The following ATL1 variants were observed in gnomAD, a reference collection of about 807,000 sequenced individuals.
ATL1 encodes the protein atlastin-1.
In ATL1, 31 loss-of-function variants were observed where a neutral mutation model predicts 75.5. That is an observed-to-expected ratio of 0.41 (90% CI 0.31 to 0.55). ATL1 has a LOEUF of 0.55. ATL1 is among the 20% of genes least tolerant of loss of function. The pLI is 0.27. For missense variants in ATL1, 405 were observed against 662.6 expected (o/e 0.61, Z 4.27); for synonymous variants, 226 against 233.3 (o/e 0.97, Z 0.28).
At chr14:50,549,258 G>T (rs2038672472) in intron 1 of ATL1, among the ~76,000 whole-genome samples, 1 of 152,150 alleles carries the variant, frequency 6.6e-6, no homozygotes, top group South Asian at 2.1e-4. Flanking sequence ...GGTACAAATG[G>T]ATACTGACAC....
chr14:50,582,615 G>A (rs905271526), intron 1 of ATL1, among the ~76,000 whole-genome samples: 4 of 150,550 alleles, frequency 2.7e-5, no homozygotes, highest in African/African-American at 4.9e-5. Flanking sequence ...TAGTAGAGAC[G>A]GGGTTTCACC....
intron 1 of ATL1, among the ~76,000 whole-genome samples, chr14:50,538,063 A>G (rs1284306151): frequency 6.6e-6 from 1 of 152,182 alleles, no homozygotes; most frequent in Non-Finnish European, 1.5e-5. Context: ...GCCCACCCAC[A>G]TCTCATCTTG....
intron 6 of ATL1, among the ~76,000 whole-genome samples, chr14:50,612,122 T>C (rs2039371981): frequency 6.6e-6 from 1 of 152,158 alleles, no homozygotes; most frequent in Non-Finnish European, 1.5e-5. Context: ...ACAAATATAA[T>C]GTTGAGTGAC....
Position 50,629,984 on chromosome 14 carries a change from CT to C in ATL1, c.1552-8del. ...CTTTTCTTTTTTCTTTTTAATCTGCCTTTGCCACAGGGAAGTACAAATGAGG... is the reference window on the plus strand; with the variant it reads ...CTTTTCTTTTTTCTTTTTAATCTGCCTTGCCACAGGGAAGTACAAATGAGG... On this transcript the variant is annotated splice_polypyrimidine_tract_variant and intron_variant, in intron 12 of 13. Transcript: ENST00000358385. The C allele has an allele frequency of 6.3e-7, 1 of 1,589,882 alleles. No individual in the cohort carries two copies. The highest frequency in any genetic ancestry group is 8.6e-7 in the Non-Finnish European group (1 of 1,164,254).
chr14:50,596,302 C>T (rs1046559757), intron 6 of ATL1, among the ~76,000 whole-genome samples: 12 of 151,078 alleles, frequency 7.9e-5, no homozygotes, highest in African/African-American at 2.9e-4. Context: ...GAGATGGTGT[C>T]TCTTAAAAAA....
chr14:50,585,431 G>A (rs2039093025), intron 1 of ATL1, among the ~76,000 whole-genome samples: 1 of 152,120 alleles, frequency 6.6e-6, no homozygotes, highest in African/African-American at 2.4e-5. Flanking sequence ...ACATTTGTGT[G>A]CTCAGATCAT....
chr14:50,594,860 G>A (rs572215574), intron 5 of ATL1, among the ~76,000 whole-genome samples: 26 of 152,018 alleles, frequency 1.7e-4, no homozygotes, highest in African/African-American at 3.6e-4. Context: ...CCAGGCAGGC[G>A]TGGTGGCGCA....
intron 1 of ATL1, chr14:50,572,182 C>T (rs1158257754): frequency 3.4e-6 from 1 of 295,406 alleles, no homozygotes; most frequent in Non-Finnish European, 6.4e-6. Context: ...AATTTCCTTT[C>T]TTGCACTTTC....
chr14:50,578,019 C>CA (rs1443118934), intron 1 of ATL1, among the ~76,000 whole-genome samples: 1 of 152,112 alleles, frequency 6.6e-6, no homozygotes, highest in African/African-American at 2.4e-5. Context: ...CTGTAAGTGA[C>CA]ATACAAACTA....
At chr14:50,572,181 T>C (rs1408945575) in intron 1 of ATL1, 3 of 296,778 alleles carry the variant, frequency 1.0e-5, no homozygotes, top group Non-Finnish European at 1.9e-5. Flanking sequence ...GAATTTCCTT[T>C]CTTGCACTTT....
At chr14:50,630,984 CGCG>C in intron 13 of ATL1, 1 of 454,708 alleles carries the variant, frequency 2.2e-6, no homozygotes, top group Non-Finnish European at 4.4e-6. Flanking sequence ...CAAGGCCAGG[CGCG>C]GTGGCTCACG....
At chr14:50,575,475 T>A (rs2038997452) in intron 1 of ATL1, among the ~76,000 whole-genome samples, 1 of 152,162 alleles carries the variant, frequency 6.6e-6, no homozygotes, top group Non-Finnish European at 1.5e-5. Flanking sequence ...TATGAGTTAG[T>A]ATTTTGTTTT....
intron 1 of ATL1, among the ~76,000 whole-genome samples, chr14:50,580,310 A>G (rs918822572): frequency 6.6e-6 from 1 of 152,210 alleles, no homozygotes; most frequent in East Asian, 1.9e-4. Flanking sequence ...TCAGTATTTT[A>G]ACAGTAAATG....
chr14:50,565,838 T>C (rs192425659), intron 1 of ATL1, among the ~76,000 whole-genome samples: 2 of 152,194 alleles, frequency 1.3e-5, no homozygotes, highest in African/African-American at 4.8e-5. Context: ...ACATAAAAAT[T>C]TCTTATGAAA....
At chr14:50,545,365 T>A (rs2038617836) in intron 1 of ATL1, among the ~76,000 whole-genome samples, 1 of 152,176 alleles carries the variant, frequency 6.6e-6, no homozygotes, top group Admixed American at 6.5e-5. Flanking sequence ...GCTTTTCTTA[T>A]AACAATTGGC....
rs145562036 is a variant in ATL1, at chr14:50,583,267, A to G, written c.35-4564A>G. Among the ~76,000 whole-genome samples the G allele has an allele frequency of 3.3e-5, 5 of 152,372 alleles. No homozygotes were observed. The East Asian group carries it at 9.6e-4, about 29-fold the overall frequency. ...AAGAAAAGACATACATAAAGATTGA[A>G]AAGTTGGAAACTGTCATTATTTGAA... is the stretch of plus-strand genomic sequence containing the variant. On this transcript the variant is annotated intron_variant, in intron 1 of 13. Transcript: ENST00000358385.
intron 1 of ATL1, among the ~76,000 whole-genome samples, chr14:50,553,374 G>A (rs953482893): frequency 2.0e-5 from 3 of 151,694 alleles, no homozygotes; most frequent in African/African-American, 7.3e-5. Flanking sequence ...TCACTATAAG[G>A]GAAATGCAAA....
chr14:50,587,698 T>G, intron 1 of ATL1, 133 bp from the exon 2 acceptor site: 2 of 1,273,346 alleles, frequency 1.6e-6, no homozygotes, highest in Non-Finnish European at 2.2e-6. Flanking sequence ...CATGAGCCAC[T>G]GCACCCAGCA....
intron 6 of ATL1, among the ~76,000 whole-genome samples, chr14:50,608,619 CT>C (rs2039336255): frequency 6.6e-6 from 1 of 151,898 alleles, no homozygotes. Context: ...TTTATATTTG[CT>C]TCTATACCAC....
Sources: gnomAD v4.1 joint callset for allele counts (sites outside exome capture counted in the v4.1 genomes callset) on GRCh38, gnomAD v4.1.1 for gene constraint, MANE v1.5 for transcripts, NCBI Gene and HGNC (gene_info 2026-07-23, HGNC 2026-07-21) for gene names.